ATP10A: variants seen among roughly 807,000 people sequenced by gnomAD.
ATP10A encodes phospholipid-transporting ATPase VA.
A neutral mutation model predicts 147.8 loss-of-function variants in ATP10A; 111 were observed. The ratio of observed to expected loss-of-function variants is 0.75; its 90% CI spans 0.64 to 0.88. The LOEUF (loss-of-function observed/expected upper bound fraction) is 0.88, where lower values mean the gene tolerates loss of function less well. Among genes scored for constraint, ATP10A ranks in the 40% least tolerant of loss-of-function variants. The pLI is 0.00. For synonymous variants in ATP10A, 875 were observed against 841.6 expected, an observed-to-expected ratio of 1.04 and a Z score of -0.69; for missense variants, 1,927 against 1,959.0, an observed-to-expected ratio of 0.98 and a Z score of 0.31.
rs560725744 is a variant in ATP10A, at chr15:25,807,354, C to T, written c.450-26131G>A. Among the ~76,000 whole-genome samples the T allele has an allele frequency of 1.1e-4, 17 of 152,352 alleles. No homozygotes were observed. The South Asian group carries it at 2.3e-3, about 20-fold the overall frequency. On this transcript the variant is annotated intron_variant, in intron 1 of 20. Transcript: ENST00000555815. ...TAGGGGCTGGCTTCAGGCCATCTGC[C>T]TCTGTGTCCAGCCACAGGGGCCTCA...
At chr15:25,810,750 C>T (rs79125518) in intron 1 of ATP10A, among the ~76,000 whole-genome samples, 1 of 152,076 alleles carries the variant, frequency 6.6e-6, no homozygotes, top group African/African-American at 2.4e-5. Context: ...AAGCCTCCCA[C>T]GGAAAATAGC....
intron 16 of ATP10A, 84 bp from the exon 17 acceptor site, chr15:25,683,570 CAG>C: frequency 7.9e-7 from 1 of 1,264,106 alleles, no homozygotes; most frequent in Non-Finnish European, 1.1e-6. Context: ...GACAGGCCTG[CAG>C]AGTTTCACAG....
intron 2 of ATP10A, among the ~76,000 whole-genome samples, chr15:25,752,273 A>G (rs1888193362): frequency 2.0e-5 from 3 of 152,246 alleles, no homozygotes; most frequent in Admixed American, 2.0e-4. Flanking sequence ...CAACAGATGA[A>G]TGAAGAAAAT....
intron 14 of ATP10A, among the ~76,000 whole-genome samples, chr15:25,694,244 A>C (rs1454139502): frequency 6.6e-6 from 1 of 152,248 alleles, no homozygotes; most frequent in East Asian, 1.9e-4. Context: ...CCACCATGAG[A>C]AACACAGTCC....
At chr15:25,750,005 A>G (rs1264331152) in intron 2 of ATP10A, among the ~76,000 whole-genome samples, 1 of 152,202 alleles carries the variant, frequency 6.6e-6, no homozygotes, top group African/African-American at 2.4e-5. Context: ...ATATTCTATT[A>G]CTTAGAATCC....
chr15:25,822,453 C>G (rs554162774), intron 1 of ATP10A, among the ~76,000 whole-genome samples: 1 of 152,278 alleles, frequency 6.6e-6, no homozygotes, highest in African/African-American at 2.4e-5. Flanking sequence ...CCCATTTCTG[C>G]TGGCCTAATG....
chr15:25,706,235 C>T (rs1396986968), intron 12 of ATP10A, among the ~76,000 whole-genome samples: 2 of 152,168 alleles, frequency 1.3e-5, no homozygotes, highest in Non-Finnish European at 2.9e-5. Context: ...GTTAACAGAG[C>T]TGCAGCATCC....
chr15:25,776,958 C>G (rs987016475), intron 2 of ATP10A, among the ~76,000 whole-genome samples: 6 of 152,134 alleles, frequency 3.9e-5, no homozygotes, highest in Non-Finnish European at 7.4e-5. Flanking sequence ...AAACCCCTAA[C>G]AAAAGCCCCC....
chr15:25,704,371 T>C (rs1421876138), intron 12 of ATP10A, among the ~76,000 whole-genome samples: 2 of 152,214 alleles, frequency 1.3e-5, no homozygotes, highest in African/African-American at 4.8e-5. Flanking sequence ...CACTCTTCTC[T>C]AAATGGCAAC....
chr15:25,811,654 T>C (rs764735093), intron 1 of ATP10A, among the ~76,000 whole-genome samples: 2 of 151,948 alleles, frequency 1.3e-5, no homozygotes, highest in Non-Finnish European at 2.9e-5. Context: ...AAGAAGGAAG[T>C]GAAAAACCAC....
chr15:25,845,307 G>T (rs1194916936), intron 1 of ATP10A, among the ~76,000 whole-genome samples: 1 of 142,544 alleles, frequency 7.0e-6, no homozygotes, highest in Admixed American at 7.2e-5. Flanking sequence ...AAATCAGCAC[G>T]GACCGTTTGT....
intron 2 of ATP10A, among the ~76,000 whole-genome samples, chr15:25,759,255 A>T (rs1041288338): frequency 6.6e-6 from 1 of 152,194 alleles, no homozygotes; most frequent in African/African-American, 2.4e-5. Flanking sequence ...ATATAACAAA[A>T]TGATAAAGGG....
At chr15:25,717,988 G>A (rs1397822277) in intron 8 of ATP10A, among the ~76,000 whole-genome samples, 194 bp downstream of exon 8, 4 of 152,192 alleles carry the variant, frequency 2.6e-5, no homozygotes, top group African/African-American at 9.7e-5. Flanking sequence ...CCATGCAAAG[G>A]GGCCATGTCA....
Position 25,680,207 on chromosome 15 carries a change from G to T in ATP10A, c.3780C>A (p.Asn1260Lys). The T allele has an allele frequency of 6.2e-7, 1 of 1,614,122 alleles. No homozygotes were observed. Among genetic ancestry groups the T allele is most frequent in the Non-Finnish European group, 8.5e-7 (1 of 1,179,980 alleles). Residue 1260 changes from asparagine (N) to lysine (K), a missense_variant, in exon 20 of 21, where the codon AAC (asparagine) becomes AAA (lysine). By Grantham distance (94) the Asn-to-Lys change is moderately conservative. Transcript: ENST00000555815. ...GTAAGGCTTGCATAGTCCAGTAAGGGTTGGACGGAGGATAGCACGTGGCAC... is the reference window on the plus strand; with the variant it reads ...GTAAGGCTTGCATAGTCCAGTAAGGTTTGGACGGAGGATAGCACGTGGCAC... ...ASCATCYPPS[N>K]PYWTMQALLG...
chr15:25,751,507 A>T (rs4547306), intron 2 of ATP10A, among the ~76,000 whole-genome samples: 3 of 151,978 alleles, frequency 2.0e-5, no homozygotes, highest in Non-Finnish European at 4.4e-5. Context: ...GATAGACCAT[A>T]TTTTAGGTCC....
At chr15:25,756,489 A>G (rs989468537) in intron 2 of ATP10A, among the ~76,000 whole-genome samples, 1 of 152,066 alleles carries the variant, frequency 6.6e-6, no homozygotes, top group Non-Finnish European at 1.5e-5. Flanking sequence ...TAAAAATACA[A>G]AAAATTAGCT....
downstream of ATP10A, among the ~76,000 whole-genome samples, chr15:25,675,832 G>C (rs1248314979): frequency 2.6e-5 from 4 of 152,200 alleles, no homozygotes; most frequent in African/African-American, 4.8e-5. Flanking sequence ...TATAGTCCCA[G>C]CTACTTGGGA....
intron 7 of ATP10A, 52 bp downstream of exon 7, chr15:25,721,605 G>T: frequency 6.4e-7 from 1 of 1,572,564 alleles, no homozygotes. Context: ...ATTCTGGATA[G>T]GGCAGCTTTC....
intron 1 of ATP10A, among the ~76,000 whole-genome samples, chr15:25,782,661 C>T (rs576987986): frequency 6.6e-6 from 1 of 152,268 alleles, no homozygotes; most frequent in African/African-American, 2.4e-5. Flanking sequence ...CTACGAGTCA[C>T]TATCAACAGA....
Sources: gnomAD v4.1 joint callset for allele counts (sites outside exome capture counted in the v4.1 genomes callset) on GRCh38, gnomAD v4.1.1 for gene constraint, MANE v1.5 for transcripts, NCBI Gene and HGNC (gene_info 2026-07-23, HGNC 2026-07-21) for gene names.